RPGRIP1: variants seen among roughly 807,000 people sequenced by gnomAD.
RPGRIP1 encodes X-linked retinitis pigmentosa GTPase regulator-interacting protein 1.
A neutral mutation model predicts 157.9 loss-of-function variants in RPGRIP1; 128 were observed. The observed-to-expected ratio is 0.81, with a 90% CI of 0.70 to 0.94. The LOEUF is 0.94. RPGRIP1 is among the 40% of genes least tolerant of loss of function. The probability of loss-of-function intolerance (pLI) is 0.00; values close to 1 mark genes in which losing one functional copy is unlikely to be tolerated. For synonymous variants in RPGRIP1, 554 were observed against 571.6 expected (o/e 0.97, Z 0.44); for missense variants, 1,486 against 1,545.8 (o/e 0.96, Z 0.65).
Position 21,327,780 on chromosome 14 carries a change from A to C in RPGRIP1, c.2868A>C (p.Glu956Asp). The C allele has an allele frequency of 1.2e-6, 2 of 1,605,590 alleles. No homozygotes were observed. The highest frequency in any genetic ancestry group is 2.2e-5 in the South Asian group (2 of 89,958). ...DTKDSSKISS[E>D]EEKASFPSQD... ...AGGACAGTTCAAAGATCTCATCTGA[A>C]GAGGAAAAGGCTTCATTTCCTTCCC... Residue 956 changes from glutamate (E) to aspartate (D), a missense_variant, in exon 18 of 25, where the codon GAA becomes GAC. Physicochemically the swap from Glu to Asp is conservative, Grantham distance 45. Coordinates refer to ENST00000400017, the MANE Select transcript of RPGRIP1 (RefSeq NM_020366.4).
intron 2 of RPGRIP1, among the ~76,000 whole-genome samples, chr14:21,292,045 A>C: frequency 6.6e-6 from 1 of 152,116 alleles, no homozygotes; most frequent in Non-Finnish European, 1.5e-5. Context: ...GGCATGAGCC[A>C]CTGCACCCAG....
chr14:21,317,853 A>G lies in RPGRIP1; in HGVS notation c.1306+3A>G, dbSNP rs374260998. The G allele has an allele frequency of 4.8e-5, 77 of 1,599,708 alleles. No homozygotes were observed. The highest frequency in any genetic ancestry group is 6.1e-5 in the Non-Finnish European group (71 of 1,172,014). On this transcript the variant is annotated splice_donor_region_variant and intron_variant, in intron 11 of 24. Transcript: ENST00000400017. ...ACTTGAGCTGTCCAGGGAGAAAGGT[A>G]GGCTGGACCTTGAAGAGCTCTCTCA...
chr14:21,326,131 C>G lies in RPGRIP1; in HGVS notation c.2668C>G (p.Arg890Gly), dbSNP rs780587095. The change falls in exon 17 of 25, where the codon CGA becomes GGA. Residue 890 changes from arginine to glycine, a missense_variant. Physicochemically the swap from Arg to Gly is moderately radical, Grantham distance 125. Transcript: ENST00000400017. ...LEPGSYLGRA[R>G]VPLLPLAKNE... ...GCCTGGCTCGTATCTTGGCCGAGCC[C>G]GAGTGCCTTTACTGCCTCTTGCAAA... 3.8e-6 allele frequency: 6 copies of G among 1,598,032 alleles called. No homozygotes were observed. In the Admixed American group the frequency reaches 6.9e-5, roughly 18 times the overall value.
chr14:21,315,300 G>A (rs1459471647), intron 10 of RPGRIP1, among the ~76,000 whole-genome samples: 2 of 151,944 alleles, frequency 1.3e-5, no homozygotes, highest in Admixed American at 1.3e-4. Context: ...GAGGTCAGGA[G>A]ATCGAGACCA....
At chr14:21,285,684 C>A (rs1880274950) in intron 1 of RPGRIP1, among the ~76,000 whole-genome samples, 1 of 150,326 alleles carries the variant, frequency 6.7e-6, no homozygotes, top group South Asian at 2.1e-4. Flanking sequence ...GTGTTGTGAG[C>A]TAGAGGAAGG....
intron 22 of RPGRIP1, among the ~76,000 whole-genome samples, chr14:21,344,630 T>C (rs780103753): frequency 1.3e-5 from 2 of 152,078 alleles, no homozygotes; most frequent in Non-Finnish European, 2.9e-5. Context: ...TTGATTCAAG[T>C]GTGGAAATCT....
chr14:21,297,879 T>TTCTTTCTTTCTC (rs1566670186), intron 3 of RPGRIP1, among the ~76,000 whole-genome samples: 1 of 150,834 alleles, frequency 6.6e-6, no homozygotes, highest in African/African-American at 2.4e-5. Context: ...CTTTCTTTCT[T>TTCTTTCTTTCTC]TTTTTTGAGA....
At chr14:21,349,250 AG>A (rs1228643532) in intron 24 of RPGRIP1, among the ~76,000 whole-genome samples, 1 of 150,792 alleles carries the variant, frequency 6.6e-6, no homozygotes, top group Non-Finnish European at 1.5e-5. Context: ...TTGTATTTTT[AG>A]TAGAGACGGG....
In RPGRIP1 at chr14:21,325,088, C is replaced by T; in HGVS notation, c.2215+18C>T. On this transcript the variant is annotated intron_variant, in intron 15 of 24. Transcript: ENST00000400017. ...ACTGATTGGTAAGTGCCGTTGGCTT[C>T]CTGCGGCTCCTAAGCACCAATGCAG... The T allele has an allele frequency of 1.9e-6, 3 of 1,588,100 alleles. No individual in the cohort carries two copies. The highest frequency in any genetic ancestry group is 2.6e-6 in the Non-Finnish European group (3 of 1,164,056).
chr14:21,347,759 C>T (rs1029262495), intron 23 of RPGRIP1, among the ~76,000 whole-genome samples: 7 of 152,078 alleles, frequency 4.6e-5, no homozygotes, highest in African/African-American at 1.7e-4. Flanking sequence ...GACTGGGTCT[C>T]GTTCTGTCAC....
chr14:21,305,501 G>A (rs1881261451), intron 6 of RPGRIP1, among the ~76,000 whole-genome samples: 2 of 152,190 alleles, frequency 1.3e-5, no homozygotes, highest in Non-Finnish European at 2.9e-5. Context: ...TATGAATAAA[G>A]CTGCTATTAA....
At chr14:21,319,335 G>T (rs1242316155) in intron 11 of RPGRIP1, among the ~76,000 whole-genome samples, 3 of 152,188 alleles carry the variant, frequency 2.0e-5, no homozygotes, top group Non-Finnish European at 2.9e-5. Flanking sequence ...GCCGAGGCCA[G>T]CAGATCACAT....
intron 18 of RPGRIP1, 98 bp downstream of exon 18, chr14:21,327,905 A>G: frequency 3.1e-6 from 3 of 958,954 alleles, no homozygotes; most frequent in Non-Finnish European, 4.5e-6. Context: ...GCAGTGGCTC[A>G]CGCCTGTAAT....
Position 21,311,942 on chromosome 14 carries a change from T to C in RPGRIP1, c.1049T>C (p.Val350Ala), listed in dbSNP as rs1347198832. 6.2e-7 allele frequency: 1 copy of C among 1,613,354 alleles called. No homozygotes were observed. Among genetic ancestry groups the C allele is most frequent in the African/African-American group, 1.3e-5 (1 of 75,052 alleles). ...AGCTTGAAGAGCCAACTGGAAGATG[T>C]GTCTATCTTGCAGATGACTCTGAAG... ...AVSLKSQLED[V>A]SILQMTLKEF... Residue 350 changes from valine (V) to alanine (A), a missense_variant, in exon 9 of 25, where the codon GTG (valine) becomes GCG (alanine). Transcript: ENST00000400017.
At chr14:21,306,642 A>G (rs1881321164) in intron 6 of RPGRIP1, among the ~76,000 whole-genome samples, 1 of 150,734 alleles carries the variant, frequency 6.6e-6, no homozygotes, top group African/African-American at 2.4e-5. Context: ...TATTTTTAGT[A>G]GAGACGGGGT....
chr14:21,285,729 G>T (rs549487599), intron 1 of RPGRIP1, among the ~76,000 whole-genome samples: 1 of 151,968 alleles, frequency 6.6e-6, no homozygotes, highest in South Asian at 2.1e-4. Flanking sequence ...ATAAGAAGCG[G>T]ATCAGCTGAG....
intron 2 of RPGRIP1, among the ~76,000 whole-genome samples, chr14:21,291,299 G>A (rs1880518492): frequency 6.6e-6 from 1 of 152,146 alleles, no homozygotes; most frequent in African/African-American, 2.4e-5. Flanking sequence ...CATGAAACAT[G>A]AACTGACTGA....
At position 21,282,070 on chromosome 14, in the gene RPGRIP1, A is replaced by G. The variant is rs1415170014; in HGVS notation, c.-39+1911A>G. On this transcript the variant is annotated intron_variant, in intron 1 of 24. Transcript: ENST00000400017. The stretch of plus-strand genomic sequence containing the variant: ...AGATTGCAACATTGCACTCCAGCCC[A>G]GGCAACAATGTGATACTCTGTCTCG... 3.9e-5 allele frequency among the ~76,000 whole-genome samples: 6 copies of G among 152,136 alleles called. No homozygotes were observed. In the South Asian group the frequency reaches 1.0e-3, roughly 26 times the overall value.
At chr14:21,292,544 A>G (rs1880577128) in intron 2 of RPGRIP1, among the ~76,000 whole-genome samples, 1 of 152,068 alleles carries the variant, frequency 6.6e-6, no homozygotes, top group African/African-American at 2.4e-5. Flanking sequence ...TTGTCACTAT[A>G]AAAAATTTAA....
Sources: gnomAD v4.1 joint callset for allele counts (sites outside exome capture counted in the v4.1 genomes callset) on GRCh38, gnomAD v4.1.1 for gene constraint, MANE v1.5 for transcripts, NCBI Gene and HGNC (gene_info 2026-07-23, HGNC 2026-07-21) for gene names.